Variants in UQCRHL observed in about 807,000 individuals in gnomAD.
UQCRHL encodes ubiquinol-cytochrome c reductase hinge protein like.
A neutral mutation model predicts 2.2 loss-of-function variants in UQCRHL; 1 was observed. The ratio of observed to expected loss-of-function variants is 0.46; its 90% CI spans 0.16 to 2.18. UQCRHL has a LOEUF of 2.18. UQCRHL is among the 30% of genes most tolerant of loss of function. UQCRHL has a pLI of 0.27. For synonymous variants in UQCRHL, 46 were observed against 44.6 expected, an observed-to-expected ratio of 1.03 and a Z score of -0.13; for missense variants, 114 against 108.6, an observed-to-expected ratio of 1.05 and a Z score of -0.22.
At chr1:15,807,487 C>T (rs1569913634) in exon 1 of UQCRHL, 1 of 1,614,158 alleles carries the variant, frequency 6.2e-7, no homozygotes, top group Non-Finnish European at 8.5e-7. Context: ...GATACATGCT[C>T]ATCATAGAGC....
At chr1:15,807,605 A>C (rs371460263) in exon 1 of UQCRHL, 2 of 1,614,028 alleles carry the variant, frequency 1.2e-6, no homozygotes, top group African/African-American at 1.3e-5. Flanking sequence ...CCTCCTCAGG[A>C]TCTCCGGATT....
chr1:15,807,541 A>G (rs372008775), exon 1 of UQCRHL: 11 of 1,614,044 alleles, frequency 6.8e-6, no homozygotes, highest in Non-Finnish European at 9.3e-6. Context: ...AACTGCTCGC[A>G]TTGCTCTCTC....
exon 1 of UQCRHL, chr1:15,807,632 C>G: frequency 1.2e-6 from 2 of 1,614,150 alleles, no homozygotes; most frequent in Non-Finnish European, 8.5e-7. Context: ...GCATCTTTTG[C>G]TCGTCCTCCA....
chr1:15,807,416 C>CACA (rs2069938130), exon 1 of UQCRHL: 1 of 1,614,042 alleles, frequency 6.2e-7, no homozygotes, highest in East Asian at 2.2e-5. Flanking sequence ...CGCAATGGTC[C>CACA]TTTGCATGCA....
At chr1:15,807,617 G>T in exon 1 of UQCRHL, 1 of 1,614,098 alleles carries the variant, frequency 6.2e-7, no homozygotes, top group South Asian at 1.1e-5. Flanking sequence ...CTCCGGATTC[G>T]GTAAGCATCT....
At chr1:15,807,504 C>A (rs751971673) in exon 1 of UQCRHL, 2 of 1,614,112 alleles carry the variant, frequency 1.2e-6, no homozygotes, top group Non-Finnish European at 1.7e-6. Flanking sequence ...GAGCTCTAGC[C>A]GCTCCCGGGC....
In UQCRHL at chr1:15,807,604, G is replaced by A. The variant is rs754990665; in HGVS notation, c.46C>T (p.Pro16Ser). Reference sequence around the variant, plus strand: ...TCCTCTTCCTCTTCCTCCTCCTCAGGATCTCCGGATTCGGTAAGCATCTTT... The same window carrying A: ...TCCTCTTCCTCTTCCTCCTCCTCAGAATCTCCGGATTCGGTAAGCATCTTT... Residue 16 changes from proline to serine, a missense_variant, in exon 1 of 1, where the codon CCT (proline) becomes TCT (serine). Pro to Ser is a moderately conservative substitution (Grantham distance 74). Transcript: ENST00000483273. 13 of 1,613,994 alleles carry A rather than the reference G, an allele frequency of 8.1e-6. No individual in the cohort carries two copies. In the Admixed American group the frequency reaches 2.2e-4, roughly 27 times the overall value.
At chr1:15,807,551 C>A (rs746589150) in exon 1 of UQCRHL, 2 of 1,614,064 alleles carry the variant, frequency 1.2e-6, no homozygotes, top group African/African-American at 2.7e-5. Flanking sequence ...ATTGCTCTCT[C>A]ACTGTTGTTA....
exon 1 of UQCRHL, chr1:15,807,462 G>A: frequency 6.2e-7 from 1 of 1,614,180 alleles, no homozygotes; most frequent in Non-Finnish European, 8.5e-7. Flanking sequence ...ATCCTCTTCT[G>A]TATGTGATCG....
At chr1:15,807,538 C>T (rs778877723) in exon 1 of UQCRHL, 5 of 1,614,150 alleles carry the variant, frequency 3.1e-6, no homozygotes, top group Middle Eastern at 1.6e-4. Context: ...TCCAACTGCT[C>T]GCATTGCTCT....
chr1:15,807,429 A>G, exon 1 of UQCRHL: 1 of 1,614,206 alleles, frequency 6.2e-7, no homozygotes, highest in Non-Finnish European at 8.5e-7. Context: ...TGCATGCAAG[A>G]AGTCAAAGAG....
chr1:15,807,640 C>G (rs762179309), exon 1 of UQCRHL: 5 of 1,614,078 alleles, frequency 3.1e-6, no homozygotes, highest in Non-Finnish European at 8.5e-7. Flanking sequence ...TGCTCGTCCT[C>G]CAGTCCCATG....
At chr1:15,807,533 C>A (rs749409697) in exon 1 of UQCRHL, 3 of 1,614,062 alleles carry the variant, frequency 1.9e-6, no homozygotes, top group Non-Finnish European at 2.5e-6. Flanking sequence ...ATTTCTCCAA[C>A]TGCTCGCATT....
chr1:15,807,416 C>G (rs760158611), exon 1 of UQCRHL: 1 of 1,614,160 alleles, frequency 6.2e-7, no homozygotes, highest in South Asian at 1.1e-5. Context: ...CGCAATGGTC[C>G]TTTGCATGCA....
chr1:15,807,453 T>C, exon 1 of UQCRHL: 1 of 1,614,162 alleles, frequency 6.2e-7, no homozygotes, highest in Non-Finnish European at 8.5e-7. Context: ...CTCCGTGCAA[T>C]CCTCTTCTGT....
chr1:15,807,594 T>C, exon 1 of UQCRHL: 1 of 1,614,168 alleles, frequency 6.2e-7, no homozygotes, highest in Non-Finnish European at 8.5e-7. Context: ...TTCCTCTTCC[T>C]CCTCCTCAGG....
chr1:15,807,578 C>CTCCTCT lies in UQCRHL; in HGVS notation c.66_71dup (p.Glu24_Glu25dup), dbSNP rs781304146. The CTCCTCT allele has an allele frequency of 4.3e-6, 7 of 1,614,026 alleles. No homozygotes were observed. The South Asian group carries it at 6.6e-5, about 15-fold the overall frequency. On this transcript the variant is annotated inframe_insertion, in exon 1 of 1. Coordinates refer to ENST00000483273, the Ensembl canonical transcript of UQCRHL. Reference sequence around the variant, plus strand: ...CTGTTGTTAGGGGATCCACTAATTCCTCCTCTTCCTCTTCCTCCTCCTCAG... The same window carrying CTCCTCT: ...CTGTTGTTAGGGGATCCACTAATTCCTCCTCTTCCTCTTCCTCTTCCTCCTCCTCAG...
exon 1 of UQCRHL, chr1:15,807,482 A>G (rs1268908632): frequency 6.2e-7 from 1 of 1,614,158 alleles, no homozygotes; most frequent in African/African-American, 1.3e-5. Flanking sequence ...GAGAGGATAC[A>G]TGCTCATCAT....
At chr1:15,807,407 G>A (rs376489865) in exon 1 of UQCRHL, 39 of 1,614,030 alleles carry the variant, frequency 2.4e-5, no homozygotes, top group Admixed American at 5.0e-5. Flanking sequence ...TGTGGGCCAC[G>A]CAATGGTCCT....
Sources: gnomAD v4.1 joint callset for allele counts on GRCh38, gnomAD v4.1.1 for gene constraint, MANE v1.5 for transcripts, NCBI Gene and HGNC (gene_info 2026-07-23, HGNC 2026-07-21) for gene names.